The following EPHX1 variants were observed in gnomAD, a reference collection of about 807,000 sequenced individuals.
The protein encoded by EPHX1 is epoxide hydrolase 1.
Under a neutral mutation model 43.2 loss-of-function variants are expected in EPHX1, and 40 were observed. The ratio of observed to expected loss-of-function variants is 0.93; its 90% CI spans 0.72 to 1.21. The LOEUF is 1.21. Ranked by LOEUF, EPHX1 falls within the 50% of genes most tolerant of loss-of-function variation. EPHX1 has a pLI of 0.00. For missense variants in EPHX1, 550 were observed against 570.4 expected (o/e 0.96, Z 0.36); for synonymous variants, 221 against 226.7 (o/e 0.98, Z 0.22).
At chr1:225,842,574 C>G in intron 7 of EPHX1, 100 bp downstream of exon 7, 1 of 878,926 alleles carries the variant, frequency 1.1e-6, no homozygotes, top group East Asian at 2.4e-5. Flanking sequence ...ATGGGGCACT[C>G]AGCAAATTCT....
At chr1:225,838,960 C>G in intron 4 of EPHX1, 79 bp downstream of exon 4, 1 of 1,526,390 alleles carries the variant, frequency 6.6e-7, no homozygotes, top group Non-Finnish European at 9.1e-7. Context: ...GCTCTCCTTC[C>G]GGCGGGGTGA....
At chr1:225,842,624 G>A (rs1475606725) in intron 7 of EPHX1, 150 bp downstream of exon 7, 6 of 722,460 alleles carry the variant, frequency 8.3e-6, no homozygotes, top group African/African-American at 1.7e-5. Context: ...TGTGACCAAC[G>A]TAGCTGCATT....
At chr1:225,839,119 G>C in intron 4 of EPHX1, 98 bp from the exon 5 acceptor site, 1 of 1,584,482 alleles carries the variant, frequency 6.3e-7, no homozygotes, top group African/African-American at 1.3e-5. Flanking sequence ...CTCCACCTGG[G>C]GGTAGGCGGG....
In EPHX1 at chr1:225,828,764, G is replaced by A; in HGVS notation, c.35G>A (p.Gly12Asp). The A allele has an allele frequency of 6.2e-7, 1 of 1,613,768 alleles. No individual in the cohort carries two copies. The highest frequency in any genetic ancestry group is 1.1e-5 in the South Asian group (1 of 91,026). Residue 12 changes from glycine to aspartate, a missense_variant, in exon 2 of 9, where the codon GGC becomes GAC. Physicochemically the swap from Gly to Asp is moderately conservative, Grantham distance 94. Transcript: ENST00000272167. The part of the protein sequence containing the change: ...WLEILLTSVL[G>D]FAIYWFISRD... ...GAAATCCTCCTCACTTCAGTGCTGGGCTTTGCCATCTACTGGTTCATCTCC... is the reference window on the plus strand; with the variant it reads ...GAAATCCTCCTCACTTCAGTGCTGGACTTTGCCATCTACTGGTTCATCTCC...
chr1:225,810,789 T>G, intron 1 of EPHX1, among the ~76,000 whole-genome samples: 2 of 149,660 alleles, frequency 1.3e-5, no homozygotes, highest in African/African-American at 2.5e-5. Flanking sequence ...AGGTGCTCAG[T>G]AGGGGAGCTT....
rs1355556140 is a variant in EPHX1 at position 225,839,254 on chromosome 1, G to A, written c.630G>A (p.Lys210=). The A allele has an allele frequency of 6.2e-7, 1 of 1,614,152 alleles. No individual in the cohort carries two copies. The highest frequency in any genetic ancestry group is 2.2e-5 in the East Asian group (1 of 44,884). Residue 210 remains lysine (K), a synonymous_variant, in exon 5 of 9, where the codon AAG becomes AAA. Transcript: ENST00000272167. ...TGGCCACCGCCAGGATCTTTTACAA[G>A]CTGATGCTGCGGCTGGGCTTCCAGG... ...NSVATARIFY[K]LMLRLGFQEF...
In EPHX1 at chr1:225,828,653, G is replaced by C. The variant is rs908795814; in HGVS notation, c.-5-72G>C. 60 of 1,526,852 alleles carry C rather than the reference G, an allele frequency of 3.9e-5. No individual in the cohort carries two copies. In the African/African-American group the frequency reaches 5.8e-4, roughly 15 times the overall value. 94.6% of individuals were successfully genotyped at this position (1,526,852 alleles called of 1,614,324 possible). ...GCGCAGCAGGAAAGAGCCTGCTGGG[G>C]ATCAGAGTCTCTGGGCTGTCAGGGC... On this transcript the variant is annotated intron_variant, in intron 1 of 8. Coordinates refer to ENST00000272167, the MANE Select transcript of EPHX1 (RefSeq NM_001136018.4).
intron 1 of EPHX1, among the ~76,000 whole-genome samples, chr1:225,819,492 G>A (rs1666888208): frequency 6.6e-6 from 1 of 152,172 alleles, no homozygotes; most frequent in Non-Finnish European, 1.5e-5. Context: ...GACCGGGCAG[G>A]GTAGTAGTCC....
At chr1:225,838,582 T>C (rs1668093320) in intron 3 of EPHX1, 72 bp from the exon 4 acceptor site, 10 of 1,372,770 alleles carry the variant, frequency 7.3e-6, no homozygotes, top group South Asian at 2.4e-5. Context: ...ATCTAGGCTC[T>C]GGGGGGTGCC....
intron 1 of EPHX1, among the ~76,000 whole-genome samples, chr1:225,816,068 G>A (rs979446125): frequency 9.2e-5 from 14 of 152,156 alleles, no homozygotes; most frequent in East Asian, 5.8e-4. Context: ...CAAAGCAGGC[G>A]GATCGCTTAA....
rs972230206 is a variant in EPHX1, at chr1:225,817,830, G to A, written c.-6+7661G>A. Among the ~76,000 whole-genome samples the A allele has an allele frequency of 2.0e-5, 3 of 152,230 alleles. No homozygotes were observed. Among genetic ancestry groups the A allele is most frequent in the African/African-American group, 4.8e-5 (2 of 41,454 alleles). ...CCCTGCAATGCACTTAGCCAAGGCC[G>A]GGCACATGGCAAGTGCTGAGTCATG... is the stretch of plus-strand genomic sequence containing the variant. On this transcript the variant is annotated intron_variant, in intron 1 of 8. Transcript: ENST00000272167. The surrounding 1 kb of genome is among the most constrained non-coding windows in gnomAD (Gnocchi z 5.7).
intron 3 of EPHX1, 32 bp from the exon 4 acceptor site, chr1:225,838,622 C>T: frequency 1.3e-6 from 2 of 1,589,308 alleles, no homozygotes; most frequent in African/African-American, 2.7e-5. Context: ...TCTTCTCTCT[C>T]CCTCCACCCT....
At position 225,817,980 on chromosome 1, in the gene EPHX1, G is replaced by A. The variant is rs1476953614; in HGVS notation, c.-6+7811G>A. Among the ~76,000 whole-genome samples the A allele has an allele frequency of 2.0e-5, 3 of 152,096 alleles. No individual in the cohort carries two copies. Among genetic ancestry groups the A allele is most frequent in the South Asian group, 2.1e-4 (1 of 4,824 alleles). On this transcript the variant is annotated intron_variant, in intron 1 of 8. Coordinates refer to ENST00000272167, the MANE Select transcript of EPHX1 (RefSeq NM_001136018.4). This position sits in a 1 kb window ranked among gnomAD's most constrained non-coding sequence, Gnocchi z 5.7. ...GACCTGCCCTTTACTTTGTGTGGCCGGATCTGAGTCTGACCCCATCTTTTT... is the reference window on the plus strand; with the variant it reads ...GACCTGCCCTTTACTTTGTGTGGCCAGATCTGAGTCTGACCCCATCTTTTT...
chr1:225,841,140 A>C (rs1668373204), intron 6 of EPHX1: 1 of 152,138 alleles, frequency 6.6e-6, no homozygotes, highest in African/African-American at 2.4e-5. Flanking sequence ...CCCAGGTACC[A>C]CGCTCTGACT....
Position 225,838,648 on chromosome 1 carries a change from C to T in EPHX1, c.365-6C>T. On this transcript the variant is annotated splice_region_variant and splice_polypyrimidine_tract_variant and intron_variant, in intron 3 of 8. Coordinates refer to ENST00000272167, the MANE Select transcript of EPHX1 (RefSeq NM_001136018.4). Reference sequence around the variant, plus strand: ...CCTCCACCCTGACTGTGCTCTGTCCCCCCAGGGCTGGACATCCACTTCATC... The same window carrying T: ...CCTCCACCCTGACTGTGCTCTGTCCTCCCAGGGCTGGACATCCACTTCATC... The T allele has an allele frequency of 6.2e-7, 1 of 1,611,818 alleles. No individual in the cohort carries two copies.
At chr1:225,831,284 T>C (rs985646231) in intron 2 of EPHX1, among the ~76,000 whole-genome samples, 2 of 152,180 alleles carry the variant, frequency 1.3e-5, no homozygotes, top group Non-Finnish European at 2.9e-5. Flanking sequence ...CGCAGTGGCT[T>C]ACACCTGTAA....
intron 1 of EPHX1, among the ~76,000 whole-genome samples, chr1:225,825,173 C>T (rs926006280): frequency 6.6e-5 from 10 of 152,166 alleles, no homozygotes; most frequent in African/African-American, 2.2e-4. Flanking sequence ...AGATGGGACT[C>T]GAGCACTGAT....
At chr1:225,828,564 G>GTATA (rs374855618) in intron 1 of EPHX1, among the ~76,000 whole-genome samples, 161 bp from the exon 2 acceptor site, 3 of 147,650 alleles carry the variant, frequency 2.0e-5, no homozygotes, top group Non-Finnish European at 3.0e-5. Flanking sequence ...TATAGTGTGT[G>GTATA]TATATATATA....
intron 8 of EPHX1, 119 bp from the exon 9 acceptor site, chr1:225,845,027 T>C (rs2102794290): frequency 9.1e-7 from 1 of 1,103,864 alleles, no homozygotes; most frequent in South Asian, 1.3e-5. Context: ...TCCTTTTCTT[T>C]ATGGCTCCTT....
Sources: allele counts gnomAD v4.1 joint callset (sites outside exome capture counted in the v4.1 genomes callset), GRCh38; gene constraint gnomAD v4.1.1; non-coding constraint Gnocchi (gnomAD v3.1); transcripts MANE v1.5; gene names NCBI Gene and HGNC (gene_info 2026-07-23, HGNC 2026-07-21).